Variants in KIAA1549L observed in about 807,000 individuals in gnomAD.
KIAA1549L encodes the protein UPF0606 protein KIAA1549L.
Under a neutral mutation model 160.7 loss-of-function variants are expected in KIAA1549L, and 88 were observed. That is an observed-to-expected ratio of 0.55 (90% CI 0.46 to 0.65). The LOEUF is 0.65. Ranked by LOEUF, KIAA1549L falls within the 30% of genes least tolerant of loss-of-function variation. The pLI is 0.00. For synonymous variants in KIAA1549L, 950 were observed against 976.7 expected (o/e 0.97, Z 0.51); for missense variants, 2,258 against 2,437.5 (o/e 0.93, Z 1.55).
rs116296113 is a variant in KIAA1549L, at chr11:33,668,439, A to T, written c.*285A>T. On this transcript the variant is annotated 3_prime_UTR_variant, in exon 21 of 21. Transcript: ENST00000658780. ...TTGGGCATGTGCCCTATGGAAGCTT[A>T]GTCACAAGAGGCACTAGCTAATCTA... The T allele has an allele frequency of 1.5e-4, 68 of 465,562 alleles. No homozygotes were observed. Among genetic ancestry groups the T allele is most frequent in the Middle Eastern group, 1.2e-3 (2 of 1,726 alleles). 28.8% of individuals were successfully genotyped at this position (465,562 alleles called of 1,614,324 possible).
intron 1 of KIAA1549L, among the ~76,000 whole-genome samples, chr11:33,519,550 G>C (rs1464689745): frequency 6.6e-6 from 1 of 152,170 alleles, no homozygotes; most frequent in African/African-American, 2.4e-5. Context: ...CAGGGTAGGA[G>C]ATAGAATTGT....
At chr11:33,577,927 C>T (rs563995104) in intron 10 of KIAA1549L, among the ~76,000 whole-genome samples, 4 of 152,282 alleles carry the variant, frequency 2.6e-5, no homozygotes, top group South Asian at 4.2e-4. Context: ...ACTTCTGTTC[C>T]GGCCATCTGC....
chr11:33,385,163 G>T (rs1481845703), intron 1 of KIAA1549L, among the ~76,000 whole-genome samples: 4 of 152,078 alleles, frequency 2.6e-5, no homozygotes, highest in Non-Finnish European at 5.9e-5. Context: ...AAGAATCAAG[G>T]TTAATTTTTT....
chr11:33,390,976 C>T (rs950280462), intron 1 of KIAA1549L, among the ~76,000 whole-genome samples: 16 of 152,144 alleles, frequency 1.1e-4, no homozygotes, highest in African/African-American at 3.6e-4. Context: ...AGTAGGTGCA[C>T]GATGTCTCCA....
chr11:33,476,174 A>G (rs555786957), intron 1 of KIAA1549L, among the ~76,000 whole-genome samples: 20 of 152,360 alleles, frequency 1.3e-4, no homozygotes, highest in Admixed American at 9.8e-4. Flanking sequence ...AGGGAACAAG[A>G]ATCTGCAGTT....
chr11:33,431,699 G>A (rs567904808), intron 1 of KIAA1549L, among the ~76,000 whole-genome samples: 116 of 152,372 alleles, frequency 7.6e-4, no homozygotes, highest in African/African-American at 2.5e-3. Context: ...ATCCCGCACC[G>A]GGGCTGCAGG....
At chr11:33,456,471 C>T (rs1030036767) in intron 1 of KIAA1549L, among the ~76,000 whole-genome samples, 12 of 152,146 alleles carry the variant, frequency 7.9e-5, no homozygotes, top group Admixed American at 5.2e-4. Context: ...GGTATGATGG[C>T]GCGATCATGG....
intron 1 of KIAA1549L, among the ~76,000 whole-genome samples, chr11:33,511,385 C>T (rs1853224068): frequency 6.6e-6 from 1 of 152,172 alleles, no homozygotes; most frequent in Non-Finnish European, 1.5e-5. Flanking sequence ...TGATATCTTA[C>T]TCAGGTGTTG....
At chr11:33,667,787 T>A in intron 20 of KIAA1549L, 86 bp from the exon 21 acceptor site, 1 of 1,198,730 alleles carries the variant, frequency 8.3e-7, no homozygotes. Flanking sequence ...CTCAGCCCCC[T>A]CCTGCTTCCA....
chr11:33,478,647 CAGAT>C (rs777023024), intron 1 of KIAA1549L, among the ~76,000 whole-genome samples: 1 of 152,188 alleles, frequency 6.6e-6, no homozygotes, highest in Non-Finnish European at 1.5e-5. Context: ...TTTATATGGA[CAGAT>C]AGAGTGGTCA....
intron 1 of KIAA1549L, among the ~76,000 whole-genome samples, chr11:33,436,103 A>G (rs1851375141): frequency 6.6e-6 from 1 of 151,994 alleles, no homozygotes; most frequent in Non-Finnish European, 1.5e-5. Flanking sequence ...ATGTAATTGC[A>G]TAGCTTATAA....
intron 8 of KIAA1549L, among the ~76,000 whole-genome samples, chr11:33,567,327 A>G (rs77280721): frequency 0.097 from 14,825 of 152,174 alleles, 927 homozygotes; most frequent in East Asian, 0.32. Flanking sequence ...TGTGATGTAC[A>G]CTTTCTTATT....
rs745667229 is a variant in KIAA1549L, at chr11:33,542,874, C to G, written c.1311C>G (p.Ala437=). The G allele has an allele frequency of 9.3e-6, 15 of 1,613,968 alleles. 1 individual carries two copies. In the South Asian group the frequency reaches 1.6e-4, roughly 18 times the overall value. Residue 437 remains alanine (A), a synonymous_variant, in exon 2 of 21, where the codon GCC becomes GCG. Transcript: ENST00000658780. ...TAGAAATGACCAGCAGAAAGCTAGCCTCTGCCACTGCAAATGACTCTGCTA... is the reference window on the plus strand; with the variant it reads ...TAGAAATGACCAGCAGAAAGCTAGCGTCTGCCACTGCAAATGACTCTGCTA... The part of the protein sequence containing the change: ...GAIEMTSRKL[A]SATANDSANP...
intron 17 of KIAA1549L, among the ~76,000 whole-genome samples, chr11:33,655,178 T>C (rs1045328415): frequency 6.6e-6 from 1 of 152,216 alleles, no homozygotes; most frequent in Non-Finnish European, 1.5e-5. Flanking sequence ...CCCTCACATG[T>C]TGATAAAAGT....
At chr11:33,622,136 C>T (rs1183531211) in intron 16 of KIAA1549L, among the ~76,000 whole-genome samples, 1 of 152,174 alleles carries the variant, frequency 6.6e-6, no homozygotes, top group Non-Finnish European at 1.5e-5. Flanking sequence ...TTAGTTCTCA[C>T]TCCAGAGGGC....
chr11:33,586,001 G>A (rs1849859089), intron 11 of KIAA1549L, among the ~76,000 whole-genome samples: 1 of 152,238 alleles, frequency 6.6e-6, no homozygotes, highest in South Asian at 2.1e-4. Context: ...AACCAGCAGG[G>A]TGGAACTGCC....
At chr11:33,496,549 A>G (rs1565159033) in intron 1 of KIAA1549L, among the ~76,000 whole-genome samples, 2 of 152,120 alleles carry the variant, frequency 1.3e-5, no homozygotes, top group Non-Finnish European at 2.9e-5. Flanking sequence ...TTCCAACTCT[A>G]TCCCCTTGTC....
At chr11:33,442,341 A>G (rs1179957718) in intron 1 of KIAA1549L, among the ~76,000 whole-genome samples, 1 of 152,092 alleles carries the variant, frequency 6.6e-6, no homozygotes, top group African/African-American at 2.4e-5. Context: ...GTATAGTTTG[A>G]AGTCAGGTAG....
intron 1 of KIAA1549L, among the ~76,000 whole-genome samples, chr11:33,497,075 A>G (rs1375665708): frequency 6.6e-6 from 1 of 152,062 alleles, no homozygotes; most frequent in Non-Finnish European, 1.5e-5. Flanking sequence ...CCTCTTCGAG[A>G]AGCCTTCCCT....
Sources: gnomAD v4.1 joint callset for allele counts (sites outside exome capture counted in the v4.1 genomes callset) on GRCh38, gnomAD v4.1.1 for gene constraint, MANE v1.5 for transcripts, NCBI Gene and HGNC (gene_info 2026-07-23, HGNC 2026-07-21) for gene names.